The following GABRB1 variants were observed in gnomAD, a reference collection of about 807,000 sequenced individuals.
The protein encoded by GABRB1 is gamma-aminobutyric acid type A receptor subunit beta1.
A neutral mutation model predicts 51.6 loss-of-function variants in GABRB1; 17 were observed. The ratio of observed to expected loss-of-function variants is 0.33; its 90% CI spans 0.23 to 0.49. The LOEUF is 0.49. GABRB1 is among the 20% of genes least tolerant of loss of function. GABRB1 has a pLI of 0.99. For synonymous variants in GABRB1, 247 were observed against 218.9 expected (o/e 1.13, Z -1.14); for missense variants, 410 against 600.6 (o/e 0.68, Z 3.32).
intron 3 of GABRB1, among the ~76,000 whole-genome samples, chr4:47,042,007 A>T (rs1725866410): frequency 6.6e-6 from 1 of 151,978 alleles, no homozygotes; most frequent in Non-Finnish European, 1.5e-5. Context: ...AAGACAAAAG[A>T]CCCAATATAA....
intron 3 of GABRB1, among the ~76,000 whole-genome samples, chr4:47,070,523 G>C (rs888340858): frequency 1.3e-5 from 2 of 151,580 alleles, no homozygotes; most frequent in Non-Finnish European, 2.9e-5. Flanking sequence ...GTACAGACAG[G>C]GTTTCACCAT....
At chr4:47,326,422 T>G (rs1725265902) in intron 5 of GABRB1, among the ~76,000 whole-genome samples, 1 of 152,220 alleles carries the variant, frequency 6.6e-6, no homozygotes, top group African/African-American at 2.4e-5. Context: ...TCATGTAACT[T>G]TTATTACATT....
chr4:47,223,450 T>A (rs1054041331), intron 4 of GABRB1, among the ~76,000 whole-genome samples: 1 of 152,248 alleles, frequency 6.6e-6, no homozygotes, highest in South Asian at 2.1e-4. Context: ...AGAAATGAAC[T>A]GACATTTTAA....
At chr4:47,249,128 T>C (rs1721881647) in intron 4 of GABRB1, among the ~76,000 whole-genome samples, 1 of 152,134 alleles carries the variant, frequency 6.6e-6, no homozygotes, top group African/African-American at 2.4e-5. Context: ...CTTTCAGTCT[T>C]TTTGATGTAG....
chr4:47,403,786 G>A (rs1028991707), intron 7 of GABRB1, 75 bp downstream of exon 7: 1 of 1,461,064 alleles, frequency 6.8e-7, no homozygotes, highest in Non-Finnish European at 9.3e-7. Flanking sequence ...GGAATTATAG[G>A]CAAGGGCTCT....
chr4:47,332,460 A>G (rs1725520631), intron 5 of GABRB1, among the ~76,000 whole-genome samples: 2 of 152,226 alleles, frequency 1.3e-5, no homozygotes, highest in African/African-American at 4.8e-5. Flanking sequence ...TATGAACAAC[A>G]TCCACATACG....
At chr4:47,238,319 TA>T (rs1168958235) in intron 4 of GABRB1, among the ~76,000 whole-genome samples, 2 of 152,126 alleles carry the variant, frequency 1.3e-5, no homozygotes, top group Non-Finnish European at 2.9e-5. Flanking sequence ...ATCCTTTTTT[TA>T]AATTATCAAA....
At chr4:47,025,332 T>C (rs1315287335) in intron 1 of GABRB1, among the ~76,000 whole-genome samples, 2 of 151,940 alleles carry the variant, frequency 1.3e-5, no homozygotes, top group Non-Finnish European at 2.9e-5. Flanking sequence ...CTGTTTTCCA[T>C]AGTGGTTGTA....
chr4:47,259,176 A>G (rs968479087), intron 4 of GABRB1, among the ~76,000 whole-genome samples: 1 of 152,024 alleles, frequency 6.6e-6, no homozygotes, highest in Non-Finnish European at 1.5e-5. Context: ...TGCCTCTATG[A>G]ATTCACTTTC....
At chr4:47,144,784 A>G (rs926605999) in intron 3 of GABRB1, among the ~76,000 whole-genome samples, 2 of 151,628 alleles carry the variant, frequency 1.3e-5, no homozygotes, top group Non-Finnish European at 2.9e-5. Flanking sequence ...AACCATCACA[A>G]CTAACAGTGT....
chr4:47,331,905 G>A (rs1424139155), intron 5 of GABRB1, among the ~76,000 whole-genome samples: 1 of 152,138 alleles, frequency 6.6e-6, no homozygotes, highest in Admixed American at 6.6e-5. Flanking sequence ...AATCTGACTG[G>A]CAAGTCTACG....
At chr4:47,358,472 G>T (rs1204662737) in intron 5 of GABRB1, among the ~76,000 whole-genome samples, 1 of 151,840 alleles carries the variant, frequency 6.6e-6, no homozygotes, top group Non-Finnish European at 1.5e-5. Context: ...TAACTGTAGG[G>T]GCTGGTAAGT....
chr4:47,330,091 GA>G (rs1303209205), intron 5 of GABRB1, among the ~76,000 whole-genome samples: 1 of 152,242 alleles, frequency 6.6e-6, no homozygotes, highest in African/African-American at 2.4e-5. Flanking sequence ...TCAAAAGCAG[GA>G]AAAAACCTGA....
chr4:47,368,528 C>A (rs1261694871), intron 5 of GABRB1, among the ~76,000 whole-genome samples: 1 of 152,092 alleles, frequency 6.6e-6, no homozygotes, highest in African/African-American at 2.4e-5. Context: ...AAATAATTAT[C>A]TAGTACAAAA....
At chr4:47,222,260 A>G (rs376432447) in intron 4 of GABRB1, among the ~76,000 whole-genome samples, 30 of 152,238 alleles carry the variant, frequency 2.0e-4, no homozygotes, top group African/African-American at 6.0e-4. Context: ...AGACTTTAGC[A>G]AGTAGGCAAA....
intron 3 of GABRB1, among the ~76,000 whole-genome samples, chr4:47,142,490 T>C (rs1716975873): frequency 6.6e-6 from 1 of 151,884 alleles, no homozygotes; most frequent in Non-Finnish European, 1.5e-5. Flanking sequence ...AATTTGAATT[T>C]AATCCTGAGA....
At chr4:47,239,246 T>C (rs954907707) in intron 4 of GABRB1, among the ~76,000 whole-genome samples, 1 of 152,218 alleles carries the variant, frequency 6.6e-6, no homozygotes, top group African/African-American at 2.4e-5. Context: ...GACAATGCTT[T>C]ACCCCAACAT....
chr4:47,298,240 G>A (rs1724092107), intron 4 of GABRB1, among the ~76,000 whole-genome samples: 1 of 152,140 alleles, frequency 6.6e-6, no homozygotes, highest in Non-Finnish European at 1.5e-5. Flanking sequence ...GTTCTGGCCA[G>A]GGCAATTAGG....
intron 4 of GABRB1, among the ~76,000 whole-genome samples, chr4:47,263,158 C>T (rs984465789): frequency 6.6e-6 from 1 of 150,594 alleles, no homozygotes; most frequent in African/African-American, 2.5e-5. Context: ...CTAACCTGCA[C>T]ATTGTGCACA....
Sources: allele counts gnomAD v4.1 joint callset (sites outside exome capture counted in the v4.1 genomes callset), GRCh38; gene constraint gnomAD v4.1.1; transcripts MANE v1.5; gene names NCBI Gene and HGNC (gene_info 2026-07-23, HGNC 2026-07-21).